ADCY2: variants seen among roughly 807,000 people sequenced by gnomAD.
The protein encoded by ADCY2 is adenylate cyclase type 2.
A neutral mutation model predicts 125.2 loss-of-function variants in ADCY2; 31 were observed. That is an observed-to-expected ratio of 0.25 (90% CI 0.19 to 0.33). The LOEUF is 0.33. Among genes scored for constraint, ADCY2 ranks in the 10% least tolerant of loss-of-function variants. ADCY2 has a pLI of 1.00. For missense variants in ADCY2, 904 were observed against 1,418.2 expected (o/e 0.64, Z 5.82); for synonymous variants, 512 against 548.4 (o/e 0.93, Z 0.93).
chr5:7,622,676 G>T (rs1403217607), intron 3 of ADCY2, among the ~76,000 whole-genome samples: 3 of 152,214 alleles, frequency 2.0e-5, no homozygotes, highest in South Asian at 2.1e-4. Context: ...AAGACAGGCA[G>T]CAAGAAGTGC....
At chr5:7,703,728 G>T (rs1447168132) in intron 7 of ADCY2, among the ~76,000 whole-genome samples, 7 of 152,136 alleles carry the variant, frequency 4.6e-5, no homozygotes. Context: ...GGTTCCATAT[G>T]AACTTTAAAG....
chr5:7,424,772 T>C (rs1740327745), intron 2 of ADCY2, among the ~76,000 whole-genome samples: 1 of 152,218 alleles, frequency 6.6e-6, no homozygotes, highest in South Asian at 2.1e-4. Flanking sequence ...AGCCCATGTA[T>C]GTATTAGGCA....
At chr5:7,733,596 C>T (rs985386801) in intron 14 of ADCY2, among the ~76,000 whole-genome samples, 5 of 152,092 alleles carry the variant, frequency 3.3e-5, no homozygotes. Flanking sequence ...AGTTTGTGAC[C>T]TGTAGAATTT....
intron 3 of ADCY2, among the ~76,000 whole-genome samples, chr5:7,521,811 G>A (rs931573205): frequency 2.0e-5 from 3 of 152,138 alleles, no homozygotes; most frequent in Admixed American, 1.3e-4. Context: ...AGCTTTCTGC[G>A]GATCACTTTT....
chr5:7,552,584 A>G (rs984092934), intron 3 of ADCY2, among the ~76,000 whole-genome samples: 3 of 152,218 alleles, frequency 2.0e-5, no homozygotes, highest in African/African-American at 7.2e-5. Flanking sequence ...TGAACACGAT[A>G]CTTGTTAAAA....
intron 18 of ADCY2, among the ~76,000 whole-genome samples, chr5:7,773,475 C>A (rs952257106): frequency 2.6e-5 from 4 of 152,122 alleles, no homozygotes; most frequent in African/African-American, 4.8e-5. Context: ...CATCCCTGGC[C>A]TTTACCCACT....
intron 23 of ADCY2, among the ~76,000 whole-genome samples, chr5:7,819,522 A>T (rs1745228871): frequency 6.6e-6 from 1 of 152,200 alleles, no homozygotes; most frequent in Admixed American, 6.5e-5. Context: ...TATTGACATT[A>T]AATGTCTACT....
chr5:7,643,244 G>A (rs751422051), intron 4 of ADCY2, among the ~76,000 whole-genome samples: 89 of 151,914 alleles, frequency 5.9e-4, no homozygotes, highest in Non-Finnish European at 1.1e-3. Context: ...TTATAGGTTA[G>A]CATGCTGTAG....
chr5:7,647,456 C>T (rs1655853250), intron 4 of ADCY2, among the ~76,000 whole-genome samples: 1 of 152,118 alleles, frequency 6.6e-6, no homozygotes, highest in South Asian at 2.1e-4. Flanking sequence ...GCATGTGGGC[C>T]CTGTGTGCTT....
intron 2 of ADCY2, among the ~76,000 whole-genome samples, chr5:7,466,819 G>T (rs1039428239): frequency 6.6e-6 from 1 of 152,190 alleles, no homozygotes; most frequent in Non-Finnish European, 1.5e-5. Flanking sequence ...CCATGCTTTT[G>T]TGTGCCCGAC....
intron 2 of ADCY2, among the ~76,000 whole-genome samples, chr5:7,480,870 T>G (rs895154304): frequency 6.6e-6 from 1 of 152,214 alleles, no homozygotes; most frequent in African/African-American, 2.4e-5. Context: ...ACATTTTCTT[T>G]ATCCATTCAT....
intron 2 of ADCY2, among the ~76,000 whole-genome samples, chr5:7,429,936 G>T (rs1740527142): frequency 6.6e-6 from 1 of 152,028 alleles, no homozygotes. Flanking sequence ...GGTTCTTTGG[G>T]AAGGTTAGTA....
chr5:7,486,633 T>C (rs1309706771), intron 2 of ADCY2, among the ~76,000 whole-genome samples: 1 of 152,140 alleles, frequency 6.6e-6, no homozygotes, highest in Admixed American at 6.5e-5. Context: ...GTGCCTGAAG[T>C]ATCATGCTTA....
chr5:7,419,559 G>A (rs1344855418), intron 2 of ADCY2, among the ~76,000 whole-genome samples: 1 of 152,198 alleles, frequency 6.6e-6, no homozygotes, highest in Non-Finnish European at 1.5e-5. Flanking sequence ...CCTTCCGAAG[G>A]TGAGGCTGAC....
At chr5:7,492,468 T>A (rs1186564531) in intron 2 of ADCY2, among the ~76,000 whole-genome samples, 1 of 152,044 alleles carries the variant, frequency 6.6e-6, no homozygotes, top group Non-Finnish European at 1.5e-5. Context: ...AGTTAGAAAA[T>A]GACTGTAATA....
chr5:7,586,427 C>T (rs746883621), intron 3 of ADCY2, among the ~76,000 whole-genome samples: 2 of 152,230 alleles, frequency 1.3e-5, no homozygotes, highest in Non-Finnish European at 2.9e-5. Context: ...CATCCATTCT[C>T]ATCCTCCTGT....
intron 3 of ADCY2, among the ~76,000 whole-genome samples, chr5:7,619,562 A>G (rs1249043830): frequency 1.3e-5 from 2 of 152,202 alleles, no homozygotes; most frequent in African/African-American, 4.8e-5. Context: ...AATTGATGAC[A>G]GTGTTCTTTT....
intron 16 of ADCY2, among the ~76,000 whole-genome samples, chr5:7,759,913 G>T (rs189778630): frequency 6.6e-6 from 1 of 152,016 alleles, no homozygotes; most frequent in Non-Finnish European, 1.5e-5. Flanking sequence ...ATAGGGTTGG[G>T]GGGTGGGGGT....
In ADCY2 at chr5:7,600,250, A is replaced by G. The variant is rs146196364; in HGVS notation, c.571-25917A>G. On this transcript the variant is annotated intron_variant, in intron 3 of 24. Coordinates refer to ENST00000338316, the MANE Select transcript of ADCY2 (RefSeq NM_020546.3). Reference sequence around the variant, plus strand: ...AGCATCCCCCTCAGTGGCCAAATCAATGGGAGAGAGGGAAGGGATGGAGCT... The same window carrying G: ...AGCATCCCCCTCAGTGGCCAAATCAGTGGGAGAGAGGGAAGGGATGGAGCT... Among the ~76,000 whole-genome samples the G allele has an allele frequency of 1.6e-4, 24 of 152,292 alleles. No individual in the cohort carries two copies. The East Asian group carries it at 4.1e-3, about 26-fold the overall frequency.
Sources: allele counts gnomAD v4.1 joint callset (sites outside exome capture counted in the v4.1 genomes callset), GRCh38; gene constraint gnomAD v4.1.1; transcripts MANE v1.5; gene names NCBI Gene and HGNC (gene_info 2026-07-23, HGNC 2026-07-21).